The following ABCD2 variants were observed in gnomAD, a reference collection of about 807,000 sequenced individuals.
The protein encoded by ABCD2 is ATP binding cassette subfamily D member 2.
ABCD2 carries 36 observed loss-of-function variants against 70.9 expected under a neutral mutation model. The observed-to-expected ratio is 0.51, with a 90% CI of 0.39 to 0.67. The LOEUF is 0.67. Among genes scored for constraint, ABCD2 ranks in the 30% least tolerant of loss-of-function variants. ABCD2 has a pLI of 0.00. For missense variants in ABCD2, 729 were observed against 890.2 expected (o/e 0.82, Z 2.30); for synonymous variants, 304 against 306.9 (o/e 0.99, Z 0.10).
the ABCD2 span, among the ~76,000 whole-genome samples, chr12:39,534,381 T>C: frequency 6.6e-6 from 1 of 152,232 alleles, no homozygotes; most frequent in Middle Eastern, 3.2e-3. Context: ...AATTGTGTGA[T>C]CTGGAATGTC....
chr12:39,550,025 C>A (rs1941066015), downstream of ABCD2: 1 of 151,752 alleles, frequency 6.6e-6, no homozygotes, highest in Non-Finnish European at 1.5e-5. Flanking sequence ...TCAATGGTCA[C>A]AAGCATCTTC....
At chr12:39,583,267 A>T (rs1279165291) in intron 7 of ABCD2, among the ~76,000 whole-genome samples, 2 of 152,174 alleles carry the variant, frequency 1.3e-5, no homozygotes, top group Non-Finnish European at 1.5e-5. Flanking sequence ...CTCATTTTAC[A>T]GTTGAAGATA....
At chr12:39,557,332 A>G (rs112571671) in intron 9 of ABCD2, among the ~76,000 whole-genome samples, 6,949 of 152,270 alleles carry the variant, frequency 0.046, 212 homozygotes, top group African/African-American at 0.089. Flanking sequence ...TAAGCAGCAA[A>G]GCATTTAAGA....
chr12:39,601,967 C>CT (rs906098862), intron 5 of ABCD2, among the ~76,000 whole-genome samples: 6 of 151,804 alleles, frequency 4.0e-5, no homozygotes, highest in African/African-American at 1.5e-4. Flanking sequence ...GGGCCATTCT[C>CT]TATTAGGCAT....
At chr12:39,607,137 T>C (rs1276944514) in intron 3 of ABCD2, among the ~76,000 whole-genome samples, 1 of 152,320 alleles carries the variant, frequency 6.6e-6, no homozygotes, top group East Asian at 1.9e-4. Flanking sequence ...TTAGCTAACA[T>C]TTATTGAGTG....
the ABCD2 span, among the ~76,000 whole-genome samples, chr12:39,533,480 T>C: frequency 4.6e-5 from 7 of 152,200 alleles, no homozygotes; most frequent in South Asian, 2.1e-4. Flanking sequence ...GAATTAATAG[T>C]TTCTTGAGAA....
intron 9 of ABCD2, among the ~76,000 whole-genome samples, chr12:39,570,929 C>T (rs1053841481): frequency 6.6e-6 from 1 of 152,052 alleles, no homozygotes; most frequent in East Asian, 1.9e-4. Context: ...ACAAAATGGA[C>T]AGAAGATCTG....
chr12:39,571,580 A>G (rs80167878), intron 9 of ABCD2, among the ~76,000 whole-genome samples: 15,616 of 152,174 alleles, frequency 0.1, 2,714 homozygotes, highest in African/African-American at 0.35. Flanking sequence ...TTACAACATT[A>G]TTTGATTTCT....
At chr12:39,593,477 C>T (rs1941773786) in intron 6 of ABCD2, among the ~76,000 whole-genome samples, 1 of 152,122 alleles carries the variant, frequency 6.6e-6, no homozygotes. Context: ...ACCTTAAATT[C>T]CTGGCCTCAA....
intron 9 of ABCD2, among the ~76,000 whole-genome samples, chr12:39,561,758 C>G (rs958785064): frequency 6.6e-6 from 1 of 152,016 alleles, no homozygotes; most frequent in Non-Finnish European, 1.5e-5. Flanking sequence ...GACTTCAACA[C>G]CCTACTTTCA....
At chr12:39,562,340 C>T (rs1941272313) in intron 9 of ABCD2, among the ~76,000 whole-genome samples, 1 of 151,718 alleles carries the variant, frequency 6.6e-6, no homozygotes, top group East Asian at 1.9e-4. Flanking sequence ...TAATATACAT[C>T]AGAGTGGAAA....
At position 39,580,513 on chromosome 12, in the gene ABCD2, C is replaced by T. The variant is rs370513146; in HGVS notation, c.1793-894G>A. 5.3e-5 allele frequency among the ~76,000 whole-genome samples: 8 copies of T among 152,224 alleles called. No individual in the cohort carries two copies. In the East Asian group the frequency reaches 1.4e-3, roughly 26 times the overall value. The stretch of plus-strand genomic sequence containing the variant: ...TCATCATTGTCTTTCTGTAAATAAA[C>T]ACTACACATATACTTCCAAGAACAG... On this transcript the variant is annotated intron_variant, in intron 7 of 9. Coordinates refer to ENST00000308666, the MANE Select transcript of ABCD2 (RefSeq NM_005164.4).
At chr12:39,587,619 A>C (rs1941683605) in intron 6 of ABCD2, among the ~76,000 whole-genome samples, 1 of 152,198 alleles carries the variant, frequency 6.6e-6, no homozygotes. Context: ...GAAACTAGTG[A>C]AGTTGGTTAG....
chr12:39,601,437 C>G (rs1275228494), intron 5 of ABCD2, among the ~76,000 whole-genome samples: 3 of 151,528 alleles, frequency 2.0e-5, no homozygotes, highest in Non-Finnish European at 2.9e-5. Flanking sequence ...TATTTCTTAT[C>G]TATTGGATGC....
chr12:39,554,093 C>A lies in ABCD2; in HGVS notation c.2042G>T (p.Gly681Val). The A allele has an allele frequency of 6.2e-7, 1 of 1,613,526 alleles. No homozygotes were observed. The highest frequency in any genetic ancestry group is 1.3e-5 in the African/African-American group (1 of 75,018). The part of the protein sequence containing the change: ...HTHLLQFDGE[G>V]GWRFEQLDTA... ...ATCCAATTGTTCAAAGCGCCAACCTCCTTCACCATCAAACTGTAATAAATG... is the reference window on the plus strand; with the variant it reads ...ATCCAATTGTTCAAAGCGCCAACCTACTTCACCATCAAACTGTAATAAATG... The change falls in exon 10 of 10, where the codon GGA (glycine) becomes GTA (valine). Residue 681 changes from glycine (G) to valine (V), a missense_variant. By Grantham distance (109) the Gly-to-Val change is moderately radical. Coordinates refer to ENST00000308666, the MANE Select transcript of ABCD2 (RefSeq NM_005164.4).
intron 9 of ABCD2, among the ~76,000 whole-genome samples, chr12:39,572,487 A>G (rs1484821676): frequency 6.6e-6 from 1 of 152,318 alleles, no homozygotes; most frequent in Non-Finnish European, 1.5e-5. Context: ...AGATCCAGAA[A>G]GTATATTTTT....
chr12:39,560,691 T>A (rs975499798), intron 9 of ABCD2, among the ~76,000 whole-genome samples: 1 of 152,074 alleles, frequency 6.6e-6, no homozygotes, highest in African/African-American at 2.4e-5. Flanking sequence ...ATATTAAAAA[T>A]TCAAAATGGG....
chr12:39,590,795 G>A (rs1471491998), intron 6 of ABCD2, among the ~76,000 whole-genome samples: 1 of 151,404 alleles, frequency 6.6e-6, no homozygotes, highest in Non-Finnish European at 1.5e-5. Flanking sequence ...GTTTGTTAGA[G>A]TTACTTTTTT....
chr12:39,568,588 CG>C (rs1388522054), intron 9 of ABCD2, among the ~76,000 whole-genome samples: 1 of 152,058 alleles, frequency 6.6e-6, no homozygotes, highest in African/African-American at 2.4e-5. Context: ...TCCTTTAGCT[CG>C]GAGTAGTTTG....
Sources: allele counts gnomAD v4.1 joint callset (sites outside exome capture counted in the v4.1 genomes callset), GRCh38; gene constraint gnomAD v4.1.1; transcripts MANE v1.5; gene names NCBI Gene and HGNC (gene_info 2026-07-23, HGNC 2026-07-21).